DGKB: variants seen among roughly 807,000 people sequenced by gnomAD.
DGKB encodes 90 kDa diacylglycerol kinase.
DGKB carries 67 observed loss-of-function variants against 114.3 expected under a neutral mutation model. The ratio of observed to expected loss-of-function variants is 0.59; its 90% CI spans 0.48 to 0.72. DGKB has a LOEUF of 0.72. Among genes scored for constraint, DGKB ranks in the 30% least tolerant of loss-of-function variants. The pLI is 0.00. For missense variants in DGKB, 907 were observed against 975.2 expected, an observed-to-expected ratio of 0.93 and a Z score of 0.93; for synonymous variants, 398 against 323.1, an observed-to-expected ratio of 1.23 and a Z score of -2.49.
At chr7:14,247,528 G>T (rs899935547) in intron 23 of DGKB, among the ~76,000 whole-genome samples, 1 of 151,848 alleles carries the variant, frequency 6.6e-6, no homozygotes, top group Non-Finnish European at 1.5e-5. Flanking sequence ...TAGTCTTTTT[G>T]ATCATAGCCA....
At chr7:14,532,526 T>C (rs1358738680) in intron 20 of DGKB, among the ~76,000 whole-genome samples, 1 of 151,344 alleles carries the variant, frequency 6.6e-6, no homozygotes, top group Non-Finnish European at 1.5e-5. Context: ...TAAGTAAAAA[T>C]AGTGTTAGAG....
chr7:14,489,469 TTA>T (rs1455141510), intron 20 of DGKB, among the ~76,000 whole-genome samples: 1 of 152,184 alleles, frequency 6.6e-6, no homozygotes, highest in African/African-American at 2.4e-5. Flanking sequence ...TCAATTACAT[TTA>T]TATGTCTCAG....
upstream of DGKB, among the ~76,000 whole-genome samples, chr7:14,905,871 G>C (rs1783678287): frequency 6.6e-6 from 1 of 152,162 alleles, no homozygotes. Flanking sequence ...GCATTGGGAA[G>C]ATAAGTGAGC....
intron 1 of DGKB, among the ~76,000 whole-genome samples, chr7:14,900,228 G>T (rs114004631): frequency 6.6e-6 from 1 of 152,096 alleles, no homozygotes; most frequent in Non-Finnish European, 1.5e-5. Context: ...TAACATATGT[G>T]ACTCACTTGA....
chr7:14,849,564 T>A (rs2128155964), intron 1 of DGKB, among the ~76,000 whole-genome samples: 1 of 152,276 alleles, frequency 6.6e-6, no homozygotes, highest in Admixed American at 6.5e-5. Flanking sequence ...ATAAAATAAA[T>A]TTCTCTTTAT....
chr7:14,480,283 G>A (rs1052955856), intron 20 of DGKB, among the ~76,000 whole-genome samples: 2 of 152,070 alleles, frequency 1.3e-5, no homozygotes, highest in African/African-American at 4.8e-5. Flanking sequence ...TTGGGCAATG[G>A]ATCATTTAGT....
chr7:14,704,744 C>G (rs948175797), intron 6 of DGKB, among the ~76,000 whole-genome samples: 2 of 152,130 alleles, frequency 1.3e-5, no homozygotes, highest in African/African-American at 4.8e-5. Context: ...TCCAATAGAC[C>G]TGCAGCTGAG....
chr7:14,213,964 A>G (rs886080564), intron 23 of DGKB, among the ~76,000 whole-genome samples: 2 of 152,092 alleles, frequency 1.3e-5, no homozygotes, highest in Non-Finnish European at 2.9e-5. Flanking sequence ...GAGGTTTTAC[A>G]TGTTGCGTTC....
intron 25 of DGKB, among the ~76,000 whole-genome samples, chr7:14,151,414 T>G (rs1782183089): frequency 6.6e-6 from 1 of 151,930 alleles, no homozygotes. Context: ...GTGTTTTTTT[T>G]TGGCGGGGGC....
intron 20 of DGKB, among the ~76,000 whole-genome samples, chr7:14,567,795 T>C (rs1436127272): frequency 6.6e-6 from 1 of 150,824 alleles, no homozygotes; most frequent in African/African-American, 2.4e-5. Context: ...TTAGTAGAGG[T>C]GCGGTTTTAC....
At chr7:14,592,795 TA>T (rs1801920139) in intron 17 of DGKB, among the ~76,000 whole-genome samples, 1 of 151,926 alleles carries the variant, frequency 6.6e-6, no homozygotes, top group Non-Finnish European at 1.5e-5. Flanking sequence ...TTTATCAATT[TA>T]ATGTGACTCT....
At chr7:14,268,493 G>A (rs193292393) in intron 23 of DGKB, among the ~76,000 whole-genome samples, 4 of 152,284 alleles carry the variant, frequency 2.6e-5, no homozygotes, top group Admixed American at 6.5e-5. Flanking sequence ...GCAGGAAGAG[G>A]TACCCAAAGA....
chr7:14,153,009 A>G (rs1284647333), intron 25 of DGKB, among the ~76,000 whole-genome samples: 1 of 152,120 alleles, frequency 6.6e-6, no homozygotes, highest in Non-Finnish European at 1.5e-5. Flanking sequence ...AAACTGAAGT[A>G]GAATTTCATA....
In DGKB at chr7:14,422,817, G is replaced by T. The variant is rs941348898; in HGVS notation, c.1835+55344C>A. 3.3e-5 allele frequency among the ~76,000 whole-genome samples: 5 copies of T among 151,996 alleles called. No homozygotes were observed. The Middle Eastern group carries it at 0.014, about 416-fold the overall frequency. On this transcript the variant is annotated intron_variant, in intron 21 of 25. Transcript: ENST00000402815. ...ATAATAATAATAGTAGTAGTAATAAGAAATAACAACAATACAAAGAATACT... is the reference window on the plus strand; with the variant it reads ...ATAATAATAATAGTAGTAGTAATAATAAATAACAACAATACAAAGAATACT...
At chr7:14,912,985 G>C (rs559455306) in intron 1 of DGKB, among the ~76,000 whole-genome samples, 1 of 152,018 alleles carries the variant, frequency 6.6e-6, no homozygotes, top group South Asian at 2.1e-4. Flanking sequence ...TGTGGTTCTC[G>C]TCAAGTGCCC....
intron 13 of DGKB, among the ~76,000 whole-genome samples, chr7:14,636,897 A>G (rs142929109): frequency 1.6e-4 from 24 of 152,068 alleles, no homozygotes; most frequent in Middle Eastern, 6.8e-3. Context: ...TTACAGTAGC[A>G]TATTTTCTTT....
chr7:14,467,543 T>G (rs1780662732), intron 21 of DGKB, among the ~76,000 whole-genome samples: 1 of 152,034 alleles, frequency 6.6e-6, no homozygotes, highest in East Asian at 1.9e-4. Context: ...CTGACTGAAG[T>G]TTGGGAACCA....
chr7:14,827,965 G>A (rs1171846441), intron 2 of DGKB, among the ~76,000 whole-genome samples: 1 of 152,046 alleles, frequency 6.6e-6, no homozygotes, highest in African/African-American at 2.4e-5. Context: ...CAGCTTCAAG[G>A]TGGCTTATGG....
At chr7:14,407,365 C>T (rs563558912) in intron 21 of DGKB, among the ~76,000 whole-genome samples, 3 of 152,224 alleles carry the variant, frequency 2.0e-5, no homozygotes, top group African/African-American at 7.2e-5. Flanking sequence ...GTGTCTCGTG[C>T]TTATCAGACT....
Sources: allele counts gnomAD v4.1 joint callset (sites outside exome capture counted in the v4.1 genomes callset), GRCh38; gene constraint gnomAD v4.1.1; transcripts MANE v1.5; gene names NCBI Gene and HGNC (gene_info 2026-07-23, HGNC 2026-07-21).